MRPS6: variants seen among roughly 807,000 people sequenced by gnomAD.
MRPS6 encodes the protein small ribosomal subunit protein bS6m.
In MRPS6, 6 loss-of-function variants were observed where a neutral mutation model predicts 13.1. That is an observed-to-expected ratio of 0.46 (90% CI 0.25 to 0.91). The LOEUF (loss-of-function observed/expected upper bound fraction) is 0.91. Ranked by LOEUF, MRPS6 falls within the 40% of genes least tolerant of loss-of-function variation. The pLI, the probability that MRPS6 is intolerant of heterozygous loss-of-function variation, is 0.18. For synonymous variants in MRPS6, 61 were observed against 56.5 expected, an observed-to-expected ratio of 1.08 and a Z score of -0.36; for missense variants, 164 against 155.6, an observed-to-expected ratio of 1.05 and a Z score of -0.29.
At chr21:34,133,211 T>C (rs996876613) in intron 2 of MRPS6, among the ~76,000 whole-genome samples, 1 of 152,222 alleles carries the variant, frequency 6.6e-6, no homozygotes, top group African/African-American at 2.4e-5. Flanking sequence ...TTCAGAAATA[T>C]GAGGTTTCTG....
In MRPS6 at chr21:34,104,940, A is replaced by G. The variant is rs556029351; in HGVS notation, c.46-20401A>G. On this transcript the variant is annotated intron_variant, in intron 1 of 2. Coordinates refer to ENST00000399312, the MANE Select transcript of MRPS6 (RefSeq NM_032476.4). Reference sequence around the variant, plus strand: ...AATTTCATGGAGAACTGCTTTAATTAGCCTAGGTGAAAAGTAGTCCTAGCA... The same window carrying G: ...AATTTCATGGAGAACTGCTTTAATTGGCCTAGGTGAAAAGTAGTCCTAGCA... The G allele has an allele frequency of 6.0e-6, 6 of 999,774 alleles. No homozygotes were observed. In the South Asian group the frequency reaches 2.8e-4, roughly 47 times the overall value. The allele number at this position is 999,774 out of a possible 1,614,324, so 61.9% of individuals were successfully genotyped here. A position where few individuals can be genotyped will look rare whatever the true frequency, so the allele number is the denominator to read the frequency against.
intron 2 of MRPS6, among the ~76,000 whole-genome samples, chr21:34,132,031 A>C (rs148948349): frequency 1.1e-3 from 171 of 152,366 alleles, no homozygotes; most frequent in African/African-American, 3.8e-3. Context: ...AGCAACCAGG[A>C]ATTGGTGAAG....
Position 34,073,688 on chromosome 21 carries a change from C to A in MRPS6, c.-13C>A, listed in dbSNP as rs997707764. 1.3e-6 allele frequency: 2 copies of A among 1,518,420 alleles called. No individual in the cohort carries two copies. The highest frequency in any genetic ancestry group is 1.8e-6 in the Non-Finnish European group (2 of 1,125,426). The allele number at this position is 1,518,420 out of a possible 1,614,324, so 94.1% of individuals were successfully genotyped here. A position where few individuals can be genotyped will look rare whatever the true frequency, so the allele number is the denominator to read the frequency against. The stretch of plus-strand genomic sequence containing the variant: ...CGGCTGGCTTCCGAGCCGCACTCGC[C>A]GATCCTCCAGGCATGCCCCGCTACG... On this transcript the variant is annotated 5_prime_UTR_variant, in exon 1 of 3. Coordinates refer to ENST00000399312, the MANE Select transcript of MRPS6 (RefSeq NM_032476.4).
Position 34,117,643 on chromosome 21 carries a change from T to C in MRPS6, c.46-7698T>C, listed in dbSNP as rs147625571. Among the ~76,000 whole-genome samples the C allele has an allele frequency of 1.2e-4, 19 of 152,314 alleles. No individual in the cohort carries two copies. The East Asian group carries it at 3.7e-3, about 29-fold the overall frequency. On this transcript the variant is annotated intron_variant, in intron 1 of 2. Transcript: ENST00000399312. ...CTTGAGGAAGACACTTTGAGAAGAATGTTTCCAGATAAATGTTAAGTTGAA... is the reference window on the plus strand; with the variant it reads ...CTTGAGGAAGACACTTTGAGAAGAACGTTTCCAGATAAATGTTAAGTTGAA...
rs543163193 is a variant in MRPS6 at position 34,084,923 on chromosome 21, C to CT, written c.45+11185dup. ...ATTGTTAGAATATGCCTTATTTTAT[C>CT]TTTTTTTAATCTGCGTTATTTTGAG... On this transcript the variant is annotated intron_variant, in intron 1 of 2. Coordinates refer to ENST00000399312, the MANE Select transcript of MRPS6 (RefSeq NM_032476.4). 1.7e-3 allele frequency among the ~76,000 whole-genome samples: 257 copies of CT among 152,182 alleles called. 2 individuals carry two copies. Among genetic ancestry groups the CT allele is most frequent in the African/African-American group, 6.0e-3 (247 of 41,512 alleles).
At chr21:34,120,200 T>C in intron 1 of MRPS6, among the ~76,000 whole-genome samples, 1 of 152,052 alleles carries the variant, frequency 6.6e-6, no homozygotes, top group East Asian at 1.9e-4. Context: ...GGTACCAGAG[T>C]AGTATTTAGT....
intron 1 of MRPS6, chr21:34,103,955 A>G: frequency 1.0e-5 from 10 of 1,000,156 alleles, no homozygotes; most frequent in Non-Finnish European, 1.1e-5. Flanking sequence ...TTCTGTTTTA[A>G]GCTGTAGTGT....
intron 1 of MRPS6, among the ~76,000 whole-genome samples, chr21:34,106,896 ACTT>A (rs1258451497): frequency 1.3e-5 from 2 of 149,302 alleles, no homozygotes; most frequent in African/African-American, 4.9e-5. Flanking sequence ...AATCTGGACT[ACTT>A]CTTGGATTTT....
intron 2 of MRPS6, chr21:34,135,426 G>A: frequency 2.2e-6 from 1 of 446,718 alleles, no homozygotes. Flanking sequence ...GCATCAGCTG[G>A]GAAAATCAGC....
chr21:34,098,708 A>AATTATAGGACTCT, intron 1 of MRPS6: 2 of 1,000,214 alleles, frequency 2.0e-6, no homozygotes, highest in Non-Finnish European at 2.4e-6. Context: ...AGGACTGTGT[A>AATTATAGGACTCT]ATTATAGGAC....
chr21:34,135,346 G>GTTT lies in MRPS6; in HGVS notation c.186-7038_186-7036dup, dbSNP rs747809642. The GTTT allele has an allele frequency of 2.8e-4, 41 of 147,150 alleles. 2 individuals carry two copies. Among genetic ancestry groups the GTTT allele is most frequent in the East Asian group, 3.7e-4 (2 of 5,386 alleles). 9.1% of individuals were successfully genotyped at this position (147,150 alleles called of 1,614,324 possible). ...ATACCAGCAATGTATATGAGAGCCG[G>GTTT]TTTTTTTTTTTTTTTTTTTTTTTTT... On this transcript the variant is annotated intron_variant, in intron 2 of 2. Coordinates refer to ENST00000399312, the MANE Select transcript of MRPS6 (RefSeq NM_032476.4).
intron 2 of MRPS6, among the ~76,000 whole-genome samples, chr21:34,136,486 T>C (rs1167586085): frequency 6.6e-6 from 1 of 152,220 alleles, no homozygotes; most frequent in Non-Finnish European, 1.5e-5. Context: ...ACACTTGGTG[T>C]GGTCAGCCTT....
intron 2 of MRPS6, among the ~76,000 whole-genome samples, chr21:34,135,157 A>G (rs1980646160): frequency 6.6e-6 from 1 of 152,056 alleles, no homozygotes; most frequent in South Asian, 2.1e-4. Flanking sequence ...TATGTAGTGA[A>G]TATTTGTTTT....
chr21:34,097,273 G>T, intron 1 of MRPS6: 1 of 1,613,782 alleles, frequency 6.2e-7, no homozygotes, highest in South Asian at 1.1e-5. Context: ...GAAGAGACTC[G>T]GCAAGTTAAA....
At chr21:34,134,367 A>G (rs866642914) in intron 2 of MRPS6, among the ~76,000 whole-genome samples, 24 of 152,208 alleles carry the variant, frequency 1.6e-4, no homozygotes, top group African/African-American at 5.3e-4. Flanking sequence ...TACCGTTTTT[A>G]TTTCGTTGCT....
chr21:34,129,351 T>C (rs772760146), intron 2 of MRPS6, among the ~76,000 whole-genome samples: 18 of 152,180 alleles, frequency 1.2e-4, no homozygotes, highest in Non-Finnish European at 2.1e-4. Context: ...GCGTTGGGCT[T>C]GTGCTGCTTT....
At chr21:34,141,638 T>A (rs1980909652) in intron 2 of MRPS6, among the ~76,000 whole-genome samples, 1 of 152,160 alleles carries the variant, frequency 6.6e-6, no homozygotes, top group Admixed American at 6.5e-5. Context: ...AAAACTGACC[T>A]TTAGTCACAT....
At position 34,125,371 on chromosome 21, in the gene MRPS6, A is replaced by T. The variant is rs763723860; in HGVS notation, c.76A>T (p.Ile26Leu). 6.2e-7 allele frequency: 1 copy of T among 1,613,934 alleles called. No individual in the cohort carries two copies. The highest frequency in any genetic ancestry group is 8.5e-7 in the Non-Finnish European group (1 of 1,179,900). ...GACTGCTGCTACTTTGAAACGTACG[A>T]TAGAGGCCCTGATGGACAGAGGAGC... Reference protein sequence around the residue: ...PETAATLKRTIEALMDRGAIV... With the variant: ...PETAATLKRTLEALMDRGAIV... The change falls in exon 2 of 3, where the codon ATA becomes TTA. Residue 26 changes from isoleucine (I) to leucine (L), a missense_variant. By Grantham distance (5) the Ile-to-Leu change is conservative (BLOSUM62 2). Transcript: ENST00000399312.
At chr21:34,081,324 A>G (rs1989453920) in intron 1 of MRPS6, among the ~76,000 whole-genome samples, 1 of 152,140 alleles carries the variant, frequency 6.6e-6, no homozygotes, top group South Asian at 2.1e-4. Flanking sequence ...CATGACCCCT[A>G]TATTGAGGTT....
Sources: allele counts gnomAD v4.1 joint callset (sites outside exome capture counted in the v4.1 genomes callset), GRCh38; gene constraint gnomAD v4.1.1; transcripts MANE v1.5; gene names NCBI Gene and HGNC (gene_info 2026-07-23, HGNC 2026-07-21).